Variants in ANKRD50 observed in about 807,000 individuals in gnomAD.
ANKRD50 encodes the protein ankyrin repeat domain-containing protein 50.
ANKRD50 carries 40 observed loss-of-function variants against 112.0 expected under a neutral mutation model. The observed-to-expected ratio is 0.36, with a 90% CI of 0.28 to 0.46. The LOEUF (loss-of-function observed/expected upper bound fraction) is 0.46. Among genes scored for constraint, ANKRD50 ranks in the 20% least tolerant of loss-of-function variants. ANKRD50 has a pLI of 1.00. For missense variants in ANKRD50, 1,487 were observed against 1,701.7 expected (o/e 0.87, Z 2.22); for synonymous variants, 613 against 619.1 (o/e 0.99, Z 0.15).
Position 124,678,901 on chromosome 4 carries a change from C to G in ANKRD50, c.517G>C (p.Val173Leu). 6.2e-7 allele frequency: 1 copy of G among 1,604,434 alleles called. No individual in the cohort carries two copies. Among genetic ancestry groups the G allele is most frequent in the Non-Finnish European group, 8.5e-7 (1 of 1,171,526 alleles). ...TTCATTCCCAGAAGAGGGAGTAGAA[C>G]ACACCTGTAAAACACATACACATGA... ...RNPAEAFKRCVLLPLLGMKPP... is the reference protein window; with the variant it reads ...RNPAEAFKRCLLLPLLGMKPP... Residue 173 changes from valine (V) to leucine (L), a missense_variant, in exon 3 of 5, where the codon GTT (valine) becomes CTT (leucine). Around this residue, in one of 2 missense-constraint regions of ANKRD50, gnomAD observed 1,046 missense variants for 1,269.5 expected, o/e 0.82. Transcript: ENST00000504087.
chr4:124,688,679 T>C (rs28609408), intron 2 of ANKRD50, among the ~76,000 whole-genome samples: 1,554 of 152,276 alleles, frequency 0.01, 33 homozygotes, highest in African/African-American at 0.035. Flanking sequence ...TTCTTTCCAG[T>C]TGGTATTCTG....
intron 3 of ANKRD50, 90 bp from the exon 4 acceptor site, chr4:124,672,624 T>C: frequency 1.2e-6 from 1 of 859,236 alleles, no homozygotes; most frequent in East Asian, 2.8e-5. Flanking sequence ...ATATAATAAA[T>C]AAATCAATTA....
At chr4:124,680,983 GC>G (rs1275543793) in intron 2 of ANKRD50, among the ~76,000 whole-genome samples, 1 of 152,076 alleles carries the variant, frequency 6.6e-6, no homozygotes, top group African/African-American at 2.4e-5. Flanking sequence ...TAAATTGTGG[GC>G]TTTGCTCTAA....
rs758808625 is a variant in ANKRD50 at position 124,668,980 on chromosome 4, T to C, written c.*3+4A>G. On this transcript the variant is annotated splice_donor_region_variant and intron_variant, in intron 4 of 4. Coordinates refer to ENST00000504087, the MANE Select transcript of ANKRD50 (RefSeq NM_020337.3). Reference sequence around the variant, plus strand: ...TTTTACTCTTTATGTTGACAAAATATTACCTTTTATAATGGTGTTTCCTTT... The same window carrying C: ...TTTTACTCTTTATGTTGACAAAATACTACCTTTTATAATGGTGTTTCCTTT... 3 of 1,592,866 alleles carry C rather than the reference T, an allele frequency of 1.9e-6. No individual in the cohort carries two copies. Among genetic ancestry groups the C allele is most frequent in the East Asian group, 4.5e-5 (2 of 44,746 alleles).
intron 2 of ANKRD50, among the ~76,000 whole-genome samples, chr4:124,684,003 T>C (rs13123815): frequency 1.3e-5 from 2 of 151,980 alleles, no homozygotes; most frequent in African/African-American, 4.8e-5. Flanking sequence ...TTTGCTATGT[T>C]CCATCTCATT....
intron 3 of ANKRD50, among the ~76,000 whole-genome samples, chr4:124,674,037 A>C (rs1206739948): frequency 3.9e-5 from 6 of 152,042 alleles, no homozygotes; most frequent in Non-Finnish European, 7.4e-5. Context: ...ATCTATATTT[A>C]CCAATGATGT....
At chr4:124,676,861 G>GC (rs1182266114) in intron 3 of ANKRD50, among the ~76,000 whole-genome samples, 3 of 151,452 alleles carry the variant, frequency 2.0e-5, no homozygotes, top group African/African-American at 7.3e-5. Context: ...AAACATAAAG[G>GC]TCAGATAGCA....
At chr4:124,696,529 T>C (rs1042110529) in intron 2 of ANKRD50, among the ~76,000 whole-genome samples, 4 of 151,942 alleles carry the variant, frequency 2.6e-5, no homozygotes, top group Non-Finnish European at 5.9e-5. Context: ...ACTCAATAAA[T>C]ATAAAATAGA....
At chr4:124,678,624 C>G (rs1404294035) in intron 3 of ANKRD50, 52 bp downstream of exon 3, 1 of 1,506,758 alleles carries the variant, frequency 6.6e-7, no homozygotes, top group Non-Finnish European at 9.1e-7. Flanking sequence ...CTCTAAGAAA[C>G]TAGTTCATTA....
chr4:124,669,971 T>C lies in ANKRD50; in HGVS notation c.3306A>G (p.Ala1102=), dbSNP rs753236192. Residue 1102 remains alanine, a synonymous_variant, in exon 4 of 5, where the codon GCA becomes GCG. Transcript: ENST00000504087. ...ATGGGGAACAGCCATTCAAACTAGATGCACCATATTTTTCTAATAATTTAA... is the reference window on the plus strand; with the variant it reads ...ATGGGGAACAGCCATTCAAACTAGACGCACCATATTTTTCTAATAATTTAA... ...QIIKLLEKYG[A]SSLNGCSPSP... 26 of 1,610,878 alleles carry C rather than the reference T, an allele frequency of 1.6e-5. No homozygotes were observed. The highest frequency in any genetic ancestry group is 2.0e-5 in the Non-Finnish European group (24 of 1,179,320).
At chr4:124,680,051 T>C (rs1465831309) in intron 2 of ANKRD50, among the ~76,000 whole-genome samples, 1 of 152,238 alleles carries the variant, frequency 6.6e-6, no homozygotes, top group African/African-American at 2.4e-5. Flanking sequence ...TCATGTAGTT[T>C]ATCTTCAATT....
chr4:124,703,265 G>A (rs1041910657), intron 2 of ANKRD50, among the ~76,000 whole-genome samples: 1 of 152,084 alleles, frequency 6.6e-6, no homozygotes, highest in Non-Finnish European at 1.5e-5. Flanking sequence ...TACGTTCACA[G>A]GCAATCATGC....
rs145916549 is a variant in ANKRD50 at position 124,672,752 on chromosome 4, G to A, written c.743-218C>T. Among the ~76,000 whole-genome samples, 338 of 151,936 alleles carry A rather than the reference G, an allele frequency of 2.2e-3. 1 individual carries two copies. Among genetic ancestry groups the A allele is most frequent in the African/African-American group, 7.9e-3 (326 of 41,458 alleles). On this transcript the variant is annotated intron_variant, in intron 3 of 4. Coordinates refer to ENST00000504087, the MANE Select transcript of ANKRD50 (RefSeq NM_020337.3). The stretch of plus-strand genomic sequence containing the variant: ...AATTTCATTTTCCTACCTACAAATT[G>A]AACTACTTATTCCTTTAGTAGCTTG...
intron 2 of ANKRD50, among the ~76,000 whole-genome samples, chr4:124,693,644 C>T (rs777970477): frequency 4.6e-4 from 70 of 151,918 alleles, no homozygotes; most frequent in Non-Finnish European, 8.2e-4. Flanking sequence ...TTCAATTGTC[C>T]GTATCTGTAT....
Position 124,669,048 on chromosome 4 carries a change from A to T in ANKRD50, c.4229T>A (p.Leu1410Gln). 1 of 1,612,894 alleles carries T rather than the reference A, an allele frequency of 6.2e-7. No homozygotes were observed. Among genetic ancestry groups the T allele is most frequent in the Non-Finnish European group, 8.5e-7 (1 of 1,179,500 alleles). Residue 1410 changes from leucine (L) to glutamine (Q), a missense_variant, in exon 4 of 5, where the codon CTG (leucine) becomes CAG (glutamine). By Grantham distance (113) the Leu-to-Gln change is moderately radical. Around this residue, in one of 2 missense-constraint regions of ANKRD50, gnomAD observed 441 missense variants for 432.2 expected, o/e 1.02. Transcript: ENST00000504087. ...SETELSLKQA[L>Q]KLQIEGSDPS... ...GTCAGAACCTTCAATCTGAAGCTTC[A>T]GAGCTTGTTTAAGGCTTAATTCTGT...
At position 124,678,995 on chromosome 4, in the gene ANKRD50, T is replaced by C. The variant is rs143976224; in HGVS notation, c.513-90A>G. The C allele has an allele frequency of 7.1e-6, 7 of 986,944 alleles. No homozygotes were observed. In the East Asian group the frequency reaches 1.9e-4, roughly 27 times the overall value. The allele number at this position is 986,944 out of a possible 1,614,324, so 61.1% of individuals were successfully genotyped here. A position where few individuals can be genotyped will look rare whatever the true frequency, so the allele number is the denominator to read the frequency against. ...CAAACATTAGAGTATTAATTATAAA[T>C]TCTTTAAGAATAAAATAAGGTATTA... On this transcript the variant is annotated intron_variant, in intron 2 of 4. Coordinates refer to ENST00000504087, the MANE Select transcript of ANKRD50 (RefSeq NM_020337.3).
intron 2 of ANKRD50, among the ~76,000 whole-genome samples, chr4:124,689,845 C>A (rs1318592819): frequency 6.6e-6 from 1 of 152,132 alleles, no homozygotes; most frequent in Non-Finnish European, 1.5e-5. Context: ...CTCTGTTTGT[C>A]TAGAGAATCA....
intron 2 of ANKRD50, among the ~76,000 whole-genome samples, chr4:124,703,656 C>T (rs1220286177): frequency 6.8e-6 from 1 of 148,108 alleles, no homozygotes; most frequent in African/African-American, 2.5e-5. Context: ...CAAGTACTGT[C>T]AAAATTTCCA....
At position 124,670,268 on chromosome 4, in the gene ANKRD50, A is replaced by G. The variant is rs3822116; in HGVS notation, c.3009T>C (p.Ala1003=). 7.9e-5 allele frequency: 127 copies of G among 1,613,930 alleles called. No homozygotes were observed. Among genetic ancestry groups the G allele is most frequent in the Non-Finnish European group, 7.3e-5 (86 of 1,179,896 alleles). Residue 1003 remains alanine, a synonymous_variant, in exon 4 of 5, where the codon GCT becomes GCC. Transcript: ENST00000504087. ...TTTCATTGTCTGCAGCATTGACGTC[A>G]GCATGGTATGCTATCAGGACCTGCA... ...EMVQVLIAYH[A]DVNAADNEKR... is the part of the protein sequence containing the mutation.
Sources: allele counts gnomAD v4.1 joint callset (sites outside exome capture counted in the v4.1 genomes callset), GRCh38; gene constraint gnomAD v4.1.1; regional missense constraint gnomAD v4.1.1; transcripts MANE v1.5; gene names NCBI Gene and HGNC (gene_info 2026-07-23, HGNC 2026-07-21).